Variants in PCDH15 observed in about 807,000 individuals in gnomAD.
The protein encoded by PCDH15 is protocadherin-15.
Under a neutral mutation model 178.5 loss-of-function variants are expected in PCDH15, and 129 were observed. That is an observed-to-expected ratio of 0.72 (90% CI 0.63 to 0.84). The LOEUF (loss-of-function observed/expected upper bound fraction) is 0.84, where lower values mean the gene tolerates loss of function less well. PCDH15 is among the 40% of genes least tolerant of loss of function. PCDH15 has a pLI of 0.00. For synonymous variants in PCDH15, 800 were observed against 732.0 expected (o/e 1.09, Z -1.50); for missense variants, 2,230 against 2,099.9 (o/e 1.06, Z -1.21).
At chr10:55,469,555 G>C (rs1839912795) in intron 2 of PCDH15, among the ~76,000 whole-genome samples, 1 of 151,720 alleles carries the variant, frequency 6.6e-6, no homozygotes, top group African/African-American at 2.4e-5. Context: ...GAATATTATT[G>C]AATATTGCTC....
At chr10:54,757,694 A>T (rs1947340126) in intron 1 of PCDH15, among the ~76,000 whole-genome samples, 1 of 152,108 alleles carries the variant, frequency 6.6e-6, no homozygotes, top group African/African-American at 2.4e-5. Context: ...CCTAAATAAG[A>T]CCAATTAGAT....
intron 6 of PCDH15, 58 bp from the exon 7 acceptor site, chr10:54,329,764 T>G (rs1432572838): frequency 6.1e-6 from 7 of 1,146,388 alleles, no homozygotes; most frequent in Non-Finnish European, 9.3e-6. Flanking sequence ...AATTAATAAC[T>G]CAATATTTTG....
chr10:54,300,536 C>T (rs747152938), intron 8 of PCDH15, among the ~76,000 whole-genome samples: 21 of 152,290 alleles, frequency 1.4e-4, no homozygotes, highest in Non-Finnish European at 2.6e-4. Flanking sequence ...GCCCCTTCTT[C>T]GCCCCTATCC....
chr10:55,458,844 C>T (rs943333403), intron 2 of PCDH15, among the ~76,000 whole-genome samples: 1 of 151,998 alleles, frequency 6.6e-6, no homozygotes, highest in African/African-American at 2.4e-5. Flanking sequence ...ACAATACGTA[C>T]AGACTAGTGA....
chr10:54,194,206 G>C (rs1229421356), intron 11 of PCDH15, among the ~76,000 whole-genome samples: 1 of 138,396 alleles, frequency 7.2e-6, no homozygotes, highest in East Asian at 2.0e-4. Flanking sequence ...TATTTAGAAA[G>C]AGAAAAAAAA....
chr10:54,018,547 A>G (rs761381547), intron 20 of PCDH15, among the ~76,000 whole-genome samples: 5 of 152,142 alleles, frequency 3.3e-5, no homozygotes, highest in Non-Finnish European at 7.4e-5. Flanking sequence ...ACTGGCAAAG[A>G]TTAAGTGAAC....
intron 2 of PCDH15, among the ~76,000 whole-genome samples, chr10:54,973,005 A>C (rs1411969584): frequency 6.6e-6 from 1 of 151,762 alleles, no homozygotes; most frequent in Non-Finnish European, 1.5e-5. Context: ...TAATATTATT[A>C]AATTATTAAA....
At chr10:55,160,023 T>G (rs1839019400) in intron 2 of PCDH15, among the ~76,000 whole-genome samples, 1 of 151,854 alleles carries the variant, frequency 6.6e-6, no homozygotes, top group Non-Finnish European at 1.5e-5. Context: ...ACTCCAAATC[T>G]TCTTCTACCC....
In PCDH15 at chr10:53,995,723, T is replaced by C. The variant is rs767778406; in HGVS notation, c.2794A>G (p.Lys932Glu). The C allele has an allele frequency of 6.2e-7, 1 of 1,613,904 alleles. No individual in the cohort carries two copies. The highest frequency in any genetic ancestry group is 1.3e-5 in the African/African-American group (1 of 75,034). Residue 932 changes from lysine (K) to glutamate (E), a missense_variant, in exon 21 of 38, where the codon AAA (lysine) becomes GAA (glutamate). Lys to Glu is a moderately conservative substitution (Grantham distance 56). Coordinates refer to ENST00000644397, the MANE Select transcript of PCDH15 (RefSeq NM_001384140.1). ...ACTGCATCCGGAGCCACCATCCCTT[T>C]GTATATTCGTTTACTAAAGACAGGA... Reference protein sequence around the residue: ...YPPVFSKRIYKGMVAPDAVKG... With the variant: ...YPPVFSKRIYEGMVAPDAVKG...
intron 26 of PCDH15, among the ~76,000 whole-genome samples, chr10:53,886,685 C>CA (rs2081125974): frequency 7.1e-6 from 1 of 141,390 alleles, no homozygotes; most frequent in African/African-American, 2.7e-5. Context: ...ATATTGAGCC[C>CA]AAAAAGAGCC....
At chr10:55,149,578 C>A (rs756444748) in intron 2 of PCDH15, among the ~76,000 whole-genome samples, 32 of 151,940 alleles carry the variant, frequency 2.1e-4, no homozygotes, top group Middle Eastern at 3.4e-3. Context: ...TGATTAAAAC[C>A]AGTTTGGACA....
At chr10:55,061,105 C>A (rs1265972047) in intron 2 of PCDH15, among the ~76,000 whole-genome samples, 3 of 151,954 alleles carry the variant, frequency 2.0e-5, no homozygotes, top group Non-Finnish European at 2.9e-5. Context: ...ATTTTCTGTT[C>A]TCCATAAGAC....
chr10:53,839,202 C>CAAAAAAAA (rs758823713), intron 29 of PCDH15, among the ~76,000 whole-genome samples: 7 of 74,588 alleles, frequency 9.4e-5, no homozygotes, highest in Admixed American at 3.6e-4. Flanking sequence ...GTCTCCGTCT[C>CAAAAAAAA]AAAAAAAAAA....
chr10:54,249,422 A>C (rs1774372001), intron 8 of PCDH15, among the ~76,000 whole-genome samples: 1 of 152,168 alleles, frequency 6.6e-6, no homozygotes, highest in Non-Finnish European at 1.5e-5. Context: ...TTAAGCATAA[A>C]GTATAATTTT....
chr10:54,946,260 G>A (rs553367962), intron 2 of PCDH15, among the ~76,000 whole-genome samples: 3 of 151,768 alleles, frequency 2.0e-5, no homozygotes, highest in East Asian at 3.9e-4. Context: ...TGATGACACC[G>A]GTTGTTCACT....
intron 3 of PCDH15, among the ~76,000 whole-genome samples, chr10:54,888,779 T>C (rs965724239): frequency 3.4e-5 from 5 of 146,076 alleles, no homozygotes; most frequent in Non-Finnish European, 6.1e-5. Flanking sequence ...TAAGTGCTTG[T>C]TCATTTTTTC....
At chr10:54,882,915 T>A (rs1297906102) in intron 3 of PCDH15, among the ~76,000 whole-genome samples, 1 of 151,970 alleles carries the variant, frequency 6.6e-6, no homozygotes, top group East Asian at 1.9e-4. Context: ...TTAACCAGAT[T>A]ATGAGGTTGA....
intron 2 of PCDH15, among the ~76,000 whole-genome samples, chr10:54,926,354 T>C (rs951413842): frequency 4.6e-5 from 7 of 152,236 alleles, no homozygotes; most frequent in African/African-American, 1.7e-4. Context: ...TCTGCCAGTA[T>C]TTTGCTGTGG....
rs550065167 is a variant in PCDH15 at position 55,040,428 on chromosome 10, T to G, written c.-80+126148A>C. On this transcript the variant is annotated intron_variant, in intron 2 of 5. Coordinates refer to the PCDH15 transcript ENST00000458638. ...TTACATGTCTAAGGGGCAGTGAGATTTCCCAATGCAGTGAGTGACTTGAGA... is the reference window on the plus strand; with the variant it reads ...TTACATGTCTAAGGGGCAGTGAGATGTCCCAATGCAGTGAGTGACTTGAGA... 7.2e-5 allele frequency among the ~76,000 whole-genome samples: 11 copies of G among 151,994 alleles called. No homozygotes were observed. In the South Asian group the frequency reaches 2.3e-3, roughly 32 times the overall value.
Sources: allele counts gnomAD v4.1 joint callset (sites outside exome capture counted in the v4.1 genomes callset), GRCh38; gene constraint gnomAD v4.1.1; transcripts MANE v1.5; gene names NCBI Gene and HGNC (gene_info 2026-07-23, HGNC 2026-07-21).